The following GLT8D2 variants were observed in gnomAD, a reference collection of about 807,000 sequenced individuals.
The protein encoded by GLT8D2 is glycosyltransferase 8 domain containing 2.
GLT8D2 carries 45 observed loss-of-function variants against 44.5 expected under a neutral mutation model. That is an observed-to-expected ratio of 1.01 (90% CI 0.80 to 1.30). The LOEUF (loss-of-function observed/expected upper bound fraction) is 1.30, where lower values mean the gene tolerates loss of function less well. Ranked by LOEUF, GLT8D2 falls within the 50% of genes most tolerant of loss-of-function variation. The probability of loss-of-function intolerance (pLI) is 0.00; values close to 1 mark genes in which losing one functional copy is unlikely to be tolerated. For synonymous variants in GLT8D2, 156 were observed against 157.2 expected (o/e 0.99, Z 0.06); for missense variants, 400 against 430.4 (o/e 0.93, Z 0.62).
intron 5 of GLT8D2, among the ~76,000 whole-genome samples, chr12:104,002,016 C>T (rs1285116828): frequency 6.6e-6 from 1 of 152,140 alleles, no homozygotes; most frequent in Non-Finnish European, 1.5e-5. Context: ...CACTCTGTTG[C>T]CCAGGCTGGA....
chr12:104,042,732 C>T (rs1475808569), intron 1 of GLT8D2, among the ~76,000 whole-genome samples: 1 of 152,162 alleles, frequency 6.6e-6, no homozygotes, highest in African/African-American at 2.4e-5. Flanking sequence ...TTGGGCCACA[C>T]ATAAAATACA....
intron 1 of GLT8D2, 86 bp from the exon 2 acceptor site, chr12:104,021,577 G>A (rs1877636104): frequency 6.6e-6 from 1 of 152,258 alleles, no homozygotes; most frequent in African/African-American, 2.4e-5. Flanking sequence ...CCAGGAGTTG[G>A]AGACAAGCCT....
At chr12:103,993,224 G>A (rs1037254712) in intron 10 of GLT8D2, among the ~76,000 whole-genome samples, 168 bp downstream of exon 10, 1 of 152,158 alleles carries the variant, frequency 6.6e-6, no homozygotes, top group Non-Finnish European at 1.5e-5. Context: ...CCAGCTACTC[G>A]AGATGCTGAG....
At chr12:104,059,305 C>G (rs1195517367) in intron 1 of GLT8D2, among the ~76,000 whole-genome samples, 2 of 152,154 alleles carry the variant, frequency 1.3e-5, no homozygotes, top group Non-Finnish European at 2.9e-5. Context: ...TCCACCAAAT[C>G]CCAGCTCTTT....
chr12:104,019,591 A>C, intron 3 of GLT8D2, 39 bp downstream of exon 3: 1 of 1,527,614 alleles, frequency 6.5e-7, no homozygotes, highest in Non-Finnish European at 9.0e-7. Flanking sequence ...CCTCCCAAAT[A>C]TGTTTTTAAA....
At chr12:104,016,766 AGAAAGAAAGAAG>A (rs1405662282) in intron 3 of GLT8D2, among the ~76,000 whole-genome samples, 821 of 80,644 alleles carry the variant, frequency 0.01, 4 homozygotes, top group Non-Finnish European at 0.012. Flanking sequence ...AAAGAAAGAA[AGAAAGAAAGAAG>A]GAAGGAAGGA....
At chr12:104,045,867 G>C (rs1219049903) in intron 1 of GLT8D2, among the ~76,000 whole-genome samples, 1 of 117,214 alleles carries the variant, frequency 8.5e-6, no homozygotes, top group East Asian at 2.4e-4. Flanking sequence ...ACTAGATTCA[G>C]TTAAAAAAGA....
At chr12:104,048,924 C>G (rs376615771) in intron 1 of GLT8D2, among the ~76,000 whole-genome samples, 1 of 152,168 alleles carries the variant, frequency 6.6e-6, no homozygotes, top group Admixed American at 6.5e-5. Flanking sequence ...CACCCGGAGT[C>G]GAGCTTAGAA....
At chr12:104,004,621 C>T (rs1874720276) in intron 4 of GLT8D2, among the ~76,000 whole-genome samples, 1 of 152,140 alleles carries the variant, frequency 6.6e-6, no homozygotes, top group Non-Finnish European at 1.5e-5. Flanking sequence ...GAGTGAACTC[C>T]CATTCACAAT....
chr12:104,060,408 G>A (rs1371988205), intron 1 of GLT8D2, among the ~76,000 whole-genome samples: 2 of 152,112 alleles, frequency 1.3e-5, no homozygotes, highest in Non-Finnish European at 2.9e-5. Context: ...CCTCCCTCAA[G>A]GACAGATTAC....
intron 1 of GLT8D2, among the ~76,000 whole-genome samples, chr12:104,037,498 C>T (rs528451285): frequency 1.3e-5 from 2 of 151,556 alleles, no homozygotes; most frequent in Non-Finnish European, 3.0e-5. Context: ...ATAGTACCAT[C>T]AGAGAATACT....
At chr12:104,010,478 T>C (rs557074243) in intron 4 of GLT8D2, among the ~76,000 whole-genome samples, 16 of 152,362 alleles carry the variant, frequency 1.1e-4, no homozygotes, top group Non-Finnish European at 2.1e-4. Context: ...ACCTTCTCTA[T>C]GCTGTGGCCT....
intron 3 of GLT8D2, among the ~76,000 whole-genome samples, chr12:104,016,810 A>AAGGAAGGAAG (rs1566199750): frequency 7.3e-6 from 1 of 136,546 alleles, no homozygotes; most frequent in African/African-American, 2.9e-5. Context: ...AAGGAAGGAA[A>AAGGAAGGAAG]GAAAGAAAGA....
intron 3 of GLT8D2, among the ~76,000 whole-genome samples, chr12:104,016,313 T>C (rs1876584161): frequency 6.6e-6 from 1 of 152,060 alleles, no homozygotes; most frequent in Non-Finnish European, 1.5e-5. Context: ...ATGACACAGC[T>C]GCTTTTCAGT....
chr12:104,000,401 C>T (rs1874044221), intron 5 of GLT8D2, among the ~76,000 whole-genome samples: 1 of 152,082 alleles, frequency 6.6e-6, no homozygotes, highest in Non-Finnish European at 1.5e-5. Context: ...AAATGGCAAA[C>T]TTAAAAAGAT....
chr12:104,039,384 G>A (rs1593566354), intron 1 of GLT8D2, among the ~76,000 whole-genome samples: 4 of 152,248 alleles, frequency 2.6e-5, no homozygotes, highest in Admixed American at 2.6e-4. Flanking sequence ...GAAAATTTTT[G>A]CAATCTACCC....
At chr12:103,993,288 G>A (rs1416549972) in intron 10 of GLT8D2, 104 bp downstream of exon 10, 10 of 850,822 alleles carry the variant, frequency 1.2e-5, no homozygotes, top group East Asian at 5.3e-5. Context: ...CCGAGATCAC[G>A]CCATTGCACT....
chr12:104,012,185 AAAAAAT>A (rs1235323084), intron 4 of GLT8D2, among the ~76,000 whole-genome samples: 26 of 86,094 alleles, frequency 3.0e-4, no homozygotes, highest in African/African-American at 1.1e-3. Flanking sequence ...AAAAAAAAAA[AAAAAAT>A]ATATATATAT....
At position 103,990,508 on chromosome 12, in the gene GLT8D2, G is replaced by A. The variant is rs565636401; in HGVS notation, c.881-931C>T. ...AGAACTACATTAAGGTGGCGTGAAT[G>A]TACAATTTTTTAAAAATCTCTATAG... is the stretch of plus-strand genomic sequence containing the variant. On this transcript the variant is annotated intron_variant, in intron 10 of 10. Transcript: ENST00000360814. Among the ~76,000 whole-genome samples, 3 of 152,220 alleles carry A rather than the reference G, an allele frequency of 2.0e-5. No homozygotes were observed. The South Asian group carries it at 6.2e-4, about 32-fold the overall frequency.
Sources: gnomAD v4.1 joint callset for allele counts (sites outside exome capture counted in the v4.1 genomes callset) on GRCh38, gnomAD v4.1.1 for gene constraint, MANE v1.5 for transcripts, NCBI Gene and HGNC (gene_info 2026-07-23, HGNC 2026-07-21) for gene names.